Variants in PRPF8 observed in about 807,000 individuals in gnomAD.
PRPF8 encodes pre-mRNA processing factor 8.
A neutral mutation model predicts 285.9 loss-of-function variants in PRPF8; 64 were observed. The ratio of observed to expected loss-of-function variants is 0.22; its 90% CI spans 0.18 to 0.28. PRPF8 has a LOEUF of 0.28. Ranked by LOEUF, PRPF8 falls within the 10% of genes least tolerant of loss-of-function variation. The pLI is 1.00. For synonymous variants in PRPF8, 1,325 were observed against 1,118.2 expected (o/e 1.18, Z -3.69); for missense variants, 1,426 against 3,026.7 (o/e 0.47, Z 12.41).
intron 24 of PRPF8, among the ~76,000 whole-genome samples, chr17:1,670,625 T>G (rs958688564): frequency 3.9e-5 from 6 of 152,172 alleles, no homozygotes; most frequent in Non-Finnish European, 2.9e-5. Context: ...TAGCTGGGAT[T>G]ACAGGTGTGC....
Position 1,675,586 on chromosome 17 carries a change from C to G in PRPF8, c.2872+34G>C, listed in dbSNP as rs771902569. The stretch of plus-strand genomic sequence containing the variant: ...TTGACGTAGAACTAAATTCCTGCCC[C>G]GTTCCTCACAGGGCGATCTCATGAA... On this transcript the variant is annotated intron_variant, in intron 19 of 42. Transcript: ENST00000304992. This position sits in a 1 kb window ranked among gnomAD's most constrained non-coding sequence, Gnocchi z 6.0. 11 of 1,611,514 alleles carry G rather than the reference C, an allele frequency of 6.8e-6. No individual in the cohort carries two copies. Among genetic ancestry groups the G allele is most frequent in the Non-Finnish European group, 9.3e-6 (11 of 1,177,848 alleles).
In PRPF8 at chr17:1,678,472, A is replaced by C. The variant is rs371380100; in HGVS notation, c.1854+46T>G. The stretch of plus-strand genomic sequence containing the variant: ...CACACCAGCCCAAGAGACAAGAGTA[A>C]GACTCTGTCTCAAAAAAAAGAAAGT... On this transcript the variant is annotated intron_variant, in intron 13 of 42. Transcript: ENST00000304992. 4.5e-5 allele frequency: 72 copies of C among 1,611,094 alleles called. No individual in the cohort carries two copies. In the African/African-American group the frequency reaches 8.7e-4, roughly 19 times the overall value.
At chr17:1,671,866 A>T (rs1374073290) in intron 24 of PRPF8, among the ~76,000 whole-genome samples, 5 of 151,106 alleles carry the variant, frequency 3.3e-5, no homozygotes, top group African/African-American at 1.2e-4. Context: ...AAAAAAAAAA[A>T]AAAAAAAAAT....
intron 34 of PRPF8, 39 bp from the exon 35 acceptor site, chr17:1,656,800 T>C: frequency 6.5e-7 from 1 of 1,541,822 alleles, no homozygotes. Flanking sequence ...ATTTAGTCTC[T>C]ACCCTCCCAG....
chr17:1,658,995 G>C lies in PRPF8; in HGVS notation c.5139-232C>G. On this transcript the variant is annotated intron_variant, in intron 32 of 42. Coordinates refer to ENST00000304992, the MANE Select transcript of PRPF8 (RefSeq NM_006445.4). This position sits in a 1 kb window ranked among gnomAD's most constrained non-coding sequence, Gnocchi z 4.1. ...ACTACGTTAAAGTATGGAGCTAATGGAAAATACACGGATTATTTATTTATT... is the reference window on the plus strand; with the variant it reads ...ACTACGTTAAAGTATGGAGCTAATGCAAAATACACGGATTATTTATTTATT... 1 of 637,394 alleles carries C rather than the reference G, an allele frequency of 1.6e-6. No individual in the cohort carries two copies. 39.5% of individuals were successfully genotyped at this position (637,394 alleles called of 1,614,324 possible).
chr17:1,679,399 T>C lies in PRPF8; in HGVS notation c.1301A>G (p.His434Arg). ...TTTCACAGGCTGCCCGGCAGGACAA[T>C]GCTCCCGATACCTGGAAAAATAAGC... ...IPLVKNWYRE[H>R]CPAGQPVKVR... The change falls in exon 10 of 43, where the codon CAT (histidine) becomes CGT (arginine). Residue 434 changes from histidine (H) to arginine (R), a missense_variant. His to Arg is a conservative substitution (Grantham distance 29). Around this residue, in one of 34 missense-constraint regions of PRPF8, gnomAD observed 137 missense variants for 161.2 expected, o/e 0.85. Coordinates refer to ENST00000304992, the MANE Select transcript of PRPF8 (RefSeq NM_006445.4). The surrounding 1 kb of genome is among the most constrained non-coding windows in gnomAD (Gnocchi z 4.7). 3.7e-6 allele frequency: 6 copies of C among 1,612,688 alleles called. No homozygotes were observed. Among genetic ancestry groups the C allele is most frequent in the Non-Finnish European group, 4.2e-6 (5 of 1,179,986 alleles).
Position 1,684,323 on chromosome 17 carries a change from C to CAT in PRPF8, c.100+148_100+149insAT, listed in dbSNP as rs1226477753. On this transcript the variant is annotated intron_variant, in intron 2 of 42. Coordinates refer to ENST00000304992, the MANE Select transcript of PRPF8 (RefSeq NM_006445.4). ...GATCAGCGCTTGCAAATAATACGCG[C>CAT]TTAAAATGACTTGATGAAAAATTAA... 630 of 837,886 alleles carry CAT rather than the reference C, an allele frequency of 7.5e-4. 7 individuals are homozygous for CAT. The African/African-American group carries it at 9.9e-3, about 13-fold the overall frequency. The allele number at this position is 837,886 out of a possible 1,614,324, so 51.9% of individuals were successfully genotyped here.
At chr17:1,652,517 T>C (rs959680913) in intron 39 of PRPF8, among the ~76,000 whole-genome samples, 8 of 152,194 alleles carry the variant, frequency 5.3e-5, no homozygotes, top group Non-Finnish European at 7.3e-5. Flanking sequence ...TTATAAACTA[T>C]AATATCCCTG....
Position 1,651,278 on chromosome 17 carries a change from T to A in PRPF8, c.6683A>T (p.Tyr2228Phe). 6.2e-7 allele frequency: 1 copy of A among 1,614,042 alleles called. No individual in the cohort carries two copies. Among genetic ancestry groups the A allele is most frequent in the Non-Finnish European group, 8.5e-7 (1 of 1,179,996 alleles). Residue 2228 changes from tyrosine to phenylalanine, a missense_variant, in exon 42 of 43, where the codon TAC (tyrosine) becomes TTC (phenylalanine). Around this residue, in one of 34 missense-constraint regions of PRPF8, gnomAD observed 160 missense variants for 373.7 expected, o/e 0.43. Transcript: ENST00000304992. The surrounding 1 kb of genome is among the most constrained non-coding windows in gnomAD (Gnocchi z 5.1). The part of the protein sequence containing the change: ...FTPGSCTLTA[Y>F]KLTPSGYEWG... ...TTCGTAGCCACTGGGGGTCAGCTTG[T>A]AGGCCGTCAGTGTACAGGAGCCTGG... is the stretch of plus-strand genomic sequence containing the variant.
At chr17:1,663,322 G>A (rs573967161) in intron 24 of PRPF8, among the ~76,000 whole-genome samples, 5 of 152,134 alleles carry the variant, frequency 3.3e-5, no homozygotes, top group Admixed American at 2.0e-4. Context: ...AGAGTAAGAC[G>A]GTAGATTTAA....
rs757290107 is a variant in PRPF8 at position 1,660,558 on chromosome 17, C to A, written c.4659G>T (p.Val1553=). The A allele has an allele frequency of 6.2e-7, 1 of 1,614,090 alleles. No homozygotes were observed. The highest frequency in any genetic ancestry group is 1.3e-5 in the African/African-American group (1 of 74,938). Residue 1553 remains valine (V), a synonymous_variant, in exon 30 of 43, where the codon GTG becomes GTT. Coordinates refer to ENST00000304992, the MANE Select transcript of PRPF8 (RefSeq NM_006445.4). ...NRANVYVGFQ[V]QLDLTGIFMH... is the part of the protein sequence containing the mutation. Reference sequence around the variant, plus strand: ...TGAAGATACCCGTCAGGTCTAGCTGCACCTGAAAGCCTACATATACCTGCC... The same window carrying A: ...TGAAGATACCCGTCAGGTCTAGCTGAACCTGAAAGCCTACATATACCTGCC...
intron 24 of PRPF8, among the ~76,000 whole-genome samples, chr17:1,666,546 C>CAAAAAG (rs557014372): frequency 0.19 from 21,278 of 112,796 alleles, 4,198 homozygotes; most frequent in African/African-American, 0.5. Flanking sequence ...GACCCCATCT[C>CAAAAAG]AAAAAAAAAA....
chr17:1,659,236 G>T lies in PRPF8; in HGVS notation c.5138+121C>A. ...AGACAGGGTTTCACCATGTTGCCCA[G>T]ACTGGTCTCAAACTCCTGAGCTCAG... On this transcript the variant is annotated intron_variant, in intron 32 of 42. Transcript: ENST00000304992. The surrounding 1 kb of genome is among the most constrained non-coding windows in gnomAD (Gnocchi z 5.1). 8.7e-7 allele frequency: 1 copy of T among 1,150,610 alleles called. No homozygotes were observed. Among genetic ancestry groups the T allele is most frequent in the Non-Finnish European group, 1.3e-6 (1 of 773,950 alleles). The allele number at this position is 1,150,610 out of a possible 1,614,324, so 71.3% of individuals were successfully genotyped here. A position where few individuals can be genotyped will look rare whatever the true frequency, so the allele number is the denominator to read the frequency against.
rs1430895756 is a variant in PRPF8, at chr17:1,659,658, TC to T, written c.4947-111del. ...CATCCCACCCACTCCACCAACTTGT[TC>T]CAGGTCAGCAGGACCCCAGAGAATC... On this transcript the variant is annotated intron_variant, in intron 31 of 42. Transcript: ENST00000304992. The surrounding 1 kb of genome is among the most constrained non-coding windows in gnomAD (Gnocchi z 5.1). 6.9e-7 allele frequency: 1 copy of T among 1,441,236 alleles called. No individual in the cohort carries two copies. The highest frequency in any genetic ancestry group is 9.6e-7 in the Non-Finnish European group (1 of 1,042,086). 89.3% of individuals were successfully genotyped at this position (1,441,236 alleles called of 1,614,324 possible).
Position 1,681,868 on chromosome 17 carries a change from G to A in PRPF8, c.605C>T (p.Pro202Leu). Residue 202 changes from proline to leucine, a missense_variant, in exon 5 of 43, where the codon CCT becomes CTT. Around this residue, in one of 34 missense-constraint regions of PRPF8, gnomAD observed 96 missense variants for 188.3 expected, o/e 0.51. Transcript: ENST00000304992. ...GTGGTCATAGAACCAGTCCAACACA[G>A]GGGCGTCCTCCTCAGGGTCCAGCTC... ...QLELDPEEDAPVLDWFYDHQP... is the reference protein window; with the variant it reads ...QLELDPEEDALVLDWFYDHQP... The A allele has an allele frequency of 6.2e-7, 1 of 1,613,900 alleles. No individual in the cohort carries two copies. The highest frequency in any genetic ancestry group is 8.5e-7 in the Non-Finnish European group (1 of 1,179,994).
Position 1,676,135 on chromosome 17 carries a change from T to C in PRPF8, c.2552+72A>G. The C allele has an allele frequency of 6.2e-7, 1 of 1,611,988 alleles. No homozygotes were observed. Among genetic ancestry groups the C allele is most frequent in the Non-Finnish European group, 8.5e-7 (1 of 1,179,804 alleles). The stretch of plus-strand genomic sequence containing the variant: ...AAAGACTGGGGCTACACCTTCTTTC[T>C]TTGGACTCTGAGGATGACGCCATTC... On this transcript the variant is annotated intron_variant, in intron 17 of 42. Transcript: ENST00000304992. This position sits in a 1 kb window ranked among gnomAD's most constrained non-coding sequence, Gnocchi z 6.3.
chr17:1,674,834 C>T (rs1912527153), intron 20 of PRPF8, among the ~76,000 whole-genome samples, 154 bp from the exon 21 acceptor site: 1 of 152,156 alleles, frequency 6.6e-6, no homozygotes, highest in Non-Finnish European at 1.5e-5. Flanking sequence ...TGCACTGGCG[C>T]AATCTCAGCT....
At chr17:1,674,093 G>C (rs373364445) in intron 21 of PRPF8, among the ~76,000 whole-genome samples, 24 of 152,118 alleles carry the variant, frequency 1.6e-4, no homozygotes, top group Admixed American at 4.6e-4. Flanking sequence ...CGCAATCCCG[G>C]CTCACTGCAA....
intron 24 of PRPF8, among the ~76,000 whole-genome samples, chr17:1,668,532 T>G (rs1323780249): frequency 6.6e-6 from 1 of 151,796 alleles, no homozygotes; most frequent in Non-Finnish European, 1.5e-5. Flanking sequence ...CCAGCTAATT[T>G]TTTGTATTTT....
Sources: allele counts gnomAD v4.1 joint callset (sites outside exome capture counted in the v4.1 genomes callset), GRCh38; gene constraint gnomAD v4.1.1; regional missense constraint gnomAD v4.1.1; non-coding constraint Gnocchi (gnomAD v3.1); transcripts MANE v1.5; gene names NCBI Gene and HGNC (gene_info 2026-07-23, HGNC 2026-07-21).